Variants in MARCHF6 observed in about 807,000 individuals in gnomAD.
The protein encoded by MARCHF6 is E3 ubiquitin-protein ligase MARCHF6.
Under a neutral mutation model 133.7 loss-of-function variants are expected in MARCHF6, and 31 were observed. The observed-to-expected ratio is 0.23, with a 90% CI of 0.17 to 0.31. The LOEUF (loss-of-function observed/expected upper bound fraction) is 0.31, where lower values mean the gene tolerates loss of function less well. MARCHF6 is among the 10% of genes least tolerant of loss of function. The pLI, the probability that MARCHF6 is intolerant of heterozygous loss-of-function variation, is 1.00. For missense variants in MARCHF6, 723 were observed against 1,121.6 expected, an observed-to-expected ratio of 0.64 and a Z score of 5.08; for synonymous variants, 395 against 402.5, an observed-to-expected ratio of 0.98 and a Z score of 0.22.
chr5:10,361,600 T>G (rs1368218393), intron 1 of MARCHF6, among the ~76,000 whole-genome samples: 4 of 152,174 alleles, frequency 2.6e-5, no homozygotes. Flanking sequence ...AGATCCTGTC[T>G]CCAAATATAG....
intron 1 of MARCHF6, among the ~76,000 whole-genome samples, chr5:10,356,476 A>G (rs1238767637): frequency 1.3e-5 from 2 of 150,628 alleles, no homozygotes; most frequent in African/African-American, 2.4e-5. Context: ...GCTCACTGCA[A>G]CCTCCACCTC....
intron 19 of MARCHF6, among the ~76,000 whole-genome samples, chr5:10,413,790 A>G (rs1013048846): frequency 6.6e-6 from 1 of 152,096 alleles, no homozygotes; most frequent in Non-Finnish European, 1.5e-5. Flanking sequence ...GTATGGGGGA[A>G]ACTGCCCCAT....
intron 1 of MARCHF6, among the ~76,000 whole-genome samples, chr5:10,367,593 AT>A (rs1736212999): frequency 6.6e-6 from 1 of 152,160 alleles, no homozygotes; most frequent in South Asian, 2.1e-4. Context: ...TTAGAGTTTT[AT>A]TTTTTTCCTC....
In MARCHF6 at chr5:10,414,422, T is replaced by C. The variant is rs1739392674; in HGVS notation, c.1897-11T>C. Reference sequence around the variant, plus strand: ...TCTCTATTTATGCACTCCTTATGTTTTACTTTGCAGATATTTCTGTTGATT... The same window carrying C: ...TCTCTATTTATGCACTCCTTATGTTCTACTTTGCAGATATTTCTGTTGATT... On this transcript the variant is annotated splice_polypyrimidine_tract_variant and intron_variant, in intron 19 of 25. Transcript: ENST00000274140. 6.3e-7 allele frequency: 1 copy of C among 1,582,922 alleles called. No individual in the cohort carries two copies. Among genetic ancestry groups the C allele is most frequent in the South Asian group, 1.1e-5 (1 of 89,934 alleles).
At chr5:10,421,015 T>G (rs1332920877) in intron 22 of MARCHF6, among the ~76,000 whole-genome samples, 1 of 152,190 alleles carries the variant, frequency 6.6e-6, no homozygotes, top group Non-Finnish European at 1.5e-5. Flanking sequence ...AAGTTCTCCA[T>G]GATGTGTTAC....
At chr5:10,432,813 C>T (rs1487990290) in intron 25 of MARCHF6, among the ~76,000 whole-genome samples, 3 of 152,138 alleles carry the variant, frequency 2.0e-5, no homozygotes, top group Non-Finnish European at 4.4e-5. Flanking sequence ...ATGCTGTCTT[C>T]CCTTTGACTT....
chr5:10,382,700 G>A (rs969226334), intron 4 of MARCHF6, among the ~76,000 whole-genome samples: 2 of 152,098 alleles, frequency 1.3e-5, no homozygotes, highest in African/African-American at 4.8e-5. Context: ...GGTGGTGTGT[G>A]CCTGTAATCT....
chr5:10,360,823 TCTG>T (rs2126643236), intron 1 of MARCHF6, among the ~76,000 whole-genome samples: 1 of 152,292 alleles, frequency 6.6e-6, no homozygotes, highest in African/African-American at 2.4e-5. Flanking sequence ...GCAAAAGAGA[TCTG>T]CTATATTGCT....
At chr5:10,416,946 C>T (rs1037890837) in intron 21 of MARCHF6, among the ~76,000 whole-genome samples, 2 of 152,302 alleles carry the variant, frequency 1.3e-5, no homozygotes, top group East Asian at 1.9e-4. Flanking sequence ...TATACCAGTC[C>T]ACCTCAAAGT....
At chr5:10,420,846 A>T (rs915649016) in intron 22 of MARCHF6, among the ~76,000 whole-genome samples, 2 of 152,184 alleles carry the variant, frequency 1.3e-5, no homozygotes, top group Non-Finnish European at 2.9e-5. Flanking sequence ...CTTTTTCTAG[A>T]TAAGATTTAT....
chr5:10,366,360 T>C (rs1736137131), intron 1 of MARCHF6, among the ~76,000 whole-genome samples: 1 of 152,256 alleles, frequency 6.6e-6, no homozygotes, highest in Non-Finnish European at 1.5e-5. Context: ...TTTTCAAAAT[T>C]GTCTACTATA....
Position 10,403,347 on chromosome 5 carries a change from A to G in MARCHF6, c.1198-60A>G, listed in dbSNP as rs568003628. ...ATTATTTATTTCCTAGAAGATGAAAATGTTAACTTGGCAAATGTAGGGGGC... is the reference window on the plus strand; with the variant it reads ...ATTATTTATTTCCTAGAAGATGAAAGTGTTAACTTGGCAAATGTAGGGGGC... On this transcript the variant is annotated intron_variant, in intron 14 of 25. Coordinates refer to ENST00000274140, the MANE Select transcript of MARCHF6 (RefSeq NM_005885.4). 136 of 1,527,938 alleles carry G rather than the reference A, an allele frequency of 8.9e-5. 1 individual carries two copies. In the South Asian group the frequency reaches 1.3e-3, roughly 14 times the overall value. The allele number at this position is 1,527,938 out of a possible 1,614,324, so 94.6% of individuals were successfully genotyped here.
At chr5:10,429,205 CCTCTGCCAAAGAAGTATTAAAA>C (rs1482498523) in intron 24 of MARCHF6, among the ~76,000 whole-genome samples, 1 of 152,010 alleles carries the variant, frequency 6.6e-6, no homozygotes, top group East Asian at 1.9e-4. Context: ...CCCCCAGTCC[CCTCTGCCAAAGAAGTATTAAAA>C]CTCATGAGTT....
At chr5:10,392,289 G>A (rs952935348) in intron 7 of MARCHF6, among the ~76,000 whole-genome samples, 1 of 152,164 alleles carries the variant, frequency 6.6e-6, no homozygotes, top group African/African-American at 2.4e-5. Context: ...TAGATAGGAA[G>A]AAACTATTTT....
At position 10,407,433 on chromosome 5, in the gene MARCHF6, A is replaced by G. The variant is rs187406382; in HGVS notation, c.1553+231A>G. 7.2e-4 allele frequency among the ~76,000 whole-genome samples: 110 copies of G among 152,288 alleles called. No individual in the cohort carries two copies. In the Middle Eastern group the frequency reaches 0.02, roughly 28 times the overall value. On this transcript the variant is annotated intron_variant, in intron 17 of 25. Coordinates refer to ENST00000274140, the MANE Select transcript of MARCHF6 (RefSeq NM_005885.4). Reference sequence around the variant, plus strand: ...TAAATTTTGCCTTATTTTAGATCAGATAAACATTAGTACTTACATTTTGTA... The same window carrying G: ...TAAATTTTGCCTTATTTTAGATCAGGTAAACATTAGTACTTACATTTTGTA...
At chr5:10,394,408 T>C (rs773604259) in intron 8 of MARCHF6, among the ~76,000 whole-genome samples, 3 of 152,198 alleles carry the variant, frequency 2.0e-5, no homozygotes, top group Non-Finnish European at 4.4e-5. Context: ...AAAATAACAA[T>C]TTAAATTTAA....
intron 3 of MARCHF6, among the ~76,000 whole-genome samples, chr5:10,379,898 G>T (rs1737024949): frequency 6.6e-6 from 1 of 152,096 alleles, no homozygotes; most frequent in Non-Finnish European, 1.5e-5. Flanking sequence ...GAGCCACATT[G>T]CTTGGCCAAA....
chr5:10,384,686 G>C (rs143373474), intron 4 of MARCHF6, among the ~76,000 whole-genome samples: 2 of 152,318 alleles, frequency 1.3e-5, no homozygotes, highest in African/African-American at 4.8e-5. Flanking sequence ...AAAATAAAAA[G>C]AGTAGACAGT....
At chr5:10,410,025 G>A in intron 17 of MARCHF6, 114 bp from the exon 18 acceptor site, 3 of 1,084,786 alleles carry the variant, frequency 2.8e-6, no homozygotes, top group Non-Finnish European at 4.0e-6. Context: ...AGAATGAAAG[G>A]AGAGGTAATA....
Sources: gnomAD v4.1 joint callset for allele counts (sites outside exome capture counted in the v4.1 genomes callset) on GRCh38, gnomAD v4.1.1 for gene constraint, MANE v1.5 for transcripts, NCBI Gene and HGNC (gene_info 2026-07-23, HGNC 2026-07-21) for gene names.